PATJ: variants seen among roughly 807,000 people sequenced by gnomAD.
PATJ encodes inaD-like protein.
In PATJ, 190 loss-of-function variants were observed where a neutral mutation model predicts 224.9. That is an observed-to-expected ratio of 0.84 (90% CI 0.75 to 0.95). The LOEUF (loss-of-function observed/expected upper bound fraction) is 0.95. PATJ is among the 40% of genes least tolerant of loss of function. PATJ has a pLI of 0.00. For missense variants in PATJ, 2,121 were observed against 2,270.3 expected (o/e 0.93, Z 1.34); for synonymous variants, 769 against 820.3 (o/e 0.94, Z 1.07).
intron 1 of PATJ, among the ~76,000 whole-genome samples, chr1:61,751,021 A>G (rs1450818304): frequency 8.0e-6 from 1 of 125,148 alleles, no homozygotes; most frequent in Admixed American, 9.1e-5. Flanking sequence ...TTTTTTTGAG[A>G]TGGAGTCTCA....
chr1:62,125,364 A>C (rs1558204243), intron 39 of PATJ, among the ~76,000 whole-genome samples: 1 of 151,968 alleles, frequency 6.6e-6, no homozygotes, highest in Non-Finnish European at 1.5e-5. Flanking sequence ...TCAAAGGTAA[A>C]TATTATTGTG....
intron 31 of PATJ, among the ~76,000 whole-genome samples, chr1:62,051,391 A>G (rs1459862402): frequency 6.6e-6 from 1 of 152,046 alleles, no homozygotes; most frequent in Non-Finnish European, 1.5e-5. Flanking sequence ...TGGTGCAATG[A>G]TCTCAGCTCA....
chr1:61,904,442 T>C (rs111782628), intron 24 of PATJ, among the ~76,000 whole-genome samples: 2 of 152,372 alleles, frequency 1.3e-5, no homozygotes, highest in African/African-American at 4.8e-5. Flanking sequence ...TATTCAGATT[T>C]CACCAGTTAT....
intron 26 of PATJ, among the ~76,000 whole-genome samples, chr1:61,926,041 A>G (rs960280264): frequency 6.6e-6 from 1 of 152,266 alleles, no homozygotes; most frequent in Non-Finnish European, 1.5e-5. Context: ...ATAATGCGTC[A>G]GGGAACCCAA....
At chr1:62,045,217 G>A (rs572479255) in intron 30 of PATJ, among the ~76,000 whole-genome samples, 111 of 149,430 alleles carry the variant, frequency 7.4e-4, no homozygotes, top group African/African-American at 2.7e-3. Flanking sequence ...GTGAAACTCC[G>A]TCTCAAATAA....
Position 62,038,804 on chromosome 1 carries a change from G to A in PATJ, c.4032+755G>A, listed in dbSNP as rs114403277. ...CACATTATTTTTATTCTTTCAACACGTGTTCAGGGTTCTGGGCCGGGGTGG... is the reference window on the plus strand; with the variant it reads ...CACATTATTTTTATTCTTTCAACACATGTTCAGGGTTCTGGGCCGGGGTGG... On this transcript the variant is annotated intron_variant, in intron 30 of 43. Coordinates refer to ENST00000642238, the MANE Select transcript of PATJ (RefSeq NM_001350145.3). 1,054 of 611,730 alleles carry A rather than the reference G, an allele frequency of 1.7e-3. 12 individuals carry two copies. In the African/African-American group the frequency reaches 0.018, roughly 10 times the overall value. 37.9% of individuals were successfully genotyped at this position (611,730 alleles called of 1,614,324 possible).
intron 30 of PATJ, among the ~76,000 whole-genome samples, chr1:62,048,412 G>C (rs370585963): frequency 1.3e-5 from 2 of 151,826 alleles, no homozygotes; most frequent in Non-Finnish European, 1.5e-5. Flanking sequence ...TGGGCCTGGT[G>C]GTGGGTGCCT....
intron 1 of PATJ, among the ~76,000 whole-genome samples, chr1:61,754,335 T>C (rs931462339): frequency 6.6e-6 from 1 of 152,142 alleles, no homozygotes; most frequent in African/African-American, 2.4e-5. Context: ...CCATTTAGCC[T>C]GAGTGCTGTT....
intron 43 of PATJ, among the ~76,000 whole-genome samples, chr1:62,154,084 C>T (rs1040360098): frequency 3.3e-4 from 50 of 152,024 alleles, no homozygotes; most frequent in Admixed American, 3.2e-3. Flanking sequence ...TTGGTAGAGA[C>T]GGGGTTTCGC....
At chr1:62,154,093 G>A (rs530752687) in intron 43 of PATJ, among the ~76,000 whole-genome samples, 2 of 151,984 alleles carry the variant, frequency 1.3e-5, no homozygotes, top group African/African-American at 2.4e-5. Flanking sequence ...ACGGGGTTTC[G>A]CCATGTTGCC....
chr1:61,806,747 C>A (rs1653649721), intron 13 of PATJ, among the ~76,000 whole-genome samples: 1 of 152,128 alleles, frequency 6.6e-6, no homozygotes, highest in Non-Finnish European at 1.5e-5. Flanking sequence ...ATTAGGCTAT[C>A]ACCTAGCAAA....
intron 14 of PATJ, among the ~76,000 whole-genome samples, chr1:61,814,342 C>T (rs1461421635): frequency 6.6e-6 from 1 of 152,012 alleles, no homozygotes; most frequent in Non-Finnish European, 1.5e-5. Context: ...GGGATTTCAC[C>T]TTGTTGGCCA....
At chr1:61,790,083 A>T (rs1371199573) in intron 8 of PATJ, among the ~76,000 whole-genome samples, 1 of 150,856 alleles carries the variant, frequency 6.6e-6, no homozygotes, top group Non-Finnish European at 1.5e-5. Context: ...TTACGCCTGT[A>T]GTCCCAGCTA....
At chr1:62,002,543 C>G (rs917990207) in intron 28 of PATJ, among the ~76,000 whole-genome samples, 1 of 151,744 alleles carries the variant, frequency 6.6e-6, no homozygotes, top group Non-Finnish European at 1.5e-5. Flanking sequence ...CCTGTCTCTA[C>G]CAGAAATACA....
intron 10 of PATJ, among the ~76,000 whole-genome samples, chr1:61,796,706 CTTTCTTTCTTTCTTTCTT>C (rs1557661073): frequency 0.011 from 586 of 55,510 alleles, 7 homozygotes; most frequent in Middle Eastern, 0.021. Flanking sequence ...TTCTTTCTTT[CTTTCTTTCTTTCTTTCTT>C]TTTCTTTCTT....
chr1:62,109,260 G>A (rs1210597932), intron 34 of PATJ, among the ~76,000 whole-genome samples: 2 of 151,298 alleles, frequency 1.3e-5, no homozygotes, highest in Non-Finnish European at 2.9e-5. Context: ...GGCATTTTAT[G>A]GTGAGCATGT....
chr1:61,794,690 C>A (rs777158857), intron 9 of PATJ, among the ~76,000 whole-genome samples: 23 of 151,524 alleles, frequency 1.5e-4, no homozygotes, highest in Non-Finnish European at 2.7e-4. Context: ...TTGTTAAGAC[C>A]ATATGTACTT....
chr1:62,137,171 A>ATTAAG (rs1201497816), intron 41 of PATJ, among the ~76,000 whole-genome samples: 7 of 151,914 alleles, frequency 4.6e-5, no homozygotes, highest in African/African-American at 1.7e-4. Flanking sequence ...TATAGTTCTA[A>ATTAAG]TTAAGTTTAA....
At chr1:62,079,669 A>C in intron 32 of PATJ, 102 bp downstream of exon 32, 1 of 735,314 alleles carries the variant, frequency 1.4e-6, no homozygotes, top group Non-Finnish European at 2.4e-6. Context: ...CAGAAGTCTG[A>C]CTCTGGATAC....
Sources: allele counts gnomAD v4.1 joint callset (sites outside exome capture counted in the v4.1 genomes callset), GRCh38; gene constraint gnomAD v4.1.1; transcripts MANE v1.5; gene names NCBI Gene and HGNC (gene_info 2026-07-23, HGNC 2026-07-21).